Variants in TBC1D5 observed in about 807,000 individuals in gnomAD.
The protein encoded by TBC1D5 is TBC1 domain family, member 5.
TBC1D5 carries 75 observed loss-of-function variants against 100.3 expected under a neutral mutation model. The observed-to-expected ratio is 0.75, with a 90% CI of 0.62 to 0.91. The LOEUF is 0.91. Ranked by LOEUF, TBC1D5 falls within the 40% of genes least tolerant of loss-of-function variation. The probability of loss-of-function intolerance (pLI) is 0.00; values close to 1 mark genes in which losing one functional copy is unlikely to be tolerated. For synonymous variants in TBC1D5, 323 were observed against 325.6 expected, an observed-to-expected ratio of 0.99 and a Z score of 0.09; for missense variants, 910 against 942.4, an observed-to-expected ratio of 0.97 and a Z score of 0.45.
chr3:17,731,748 C>G (rs2076574297), intron 1 of TBC1D5, among the ~76,000 whole-genome samples: 2 of 151,864 alleles, frequency 1.3e-5, no homozygotes, highest in African/African-American at 4.8e-5. Context: ...AGTTTGATGC[C>G]TGTACATGAG....
rs115480076 is a variant in TBC1D5, at chr3:17,247,479, A to C, written c.1332-9060T>G. On this transcript the variant is annotated intron_variant, in intron 16 of 21. Transcript: ENST00000253692. ...ACTTTATTGCCAAAAGATGCTAATGATCATCTGAGCCTTTAGTGAGTCTTA... is the reference window on the plus strand; with the variant it reads ...ACTTTATTGCCAAAAGATGCTAATGCTCATCTGAGCCTTTAGTGAGTCTTA... 3.8e-3 allele frequency among the ~76,000 whole-genome samples: 580 copies of C among 152,332 alleles called. 5 individuals carry two copies. Among genetic ancestry groups the C allele is most frequent in the African/African-American group, 0.013 (550 of 41,568 alleles).
Position 17,233,682 on chromosome 3 carries a change from T to G in TBC1D5, c.1588+4481A>C, listed in dbSNP as rs967983263. 1.9e-5 allele frequency: 28 copies of G among 1,509,120 alleles called. No individual in the cohort carries two copies. The highest frequency in any genetic ancestry group is 2.5e-5 in the Non-Finnish European group (28 of 1,114,434). 93.5% of individuals were successfully genotyped at this position (1,509,120 alleles called of 1,614,324 possible). ...AAACACTATGTTGTTATGGTAACTG[T>G]ACCTTGGAGGTCAGTTAGAGTCTGG... On this transcript the variant is annotated intron_variant, in intron 17 of 21. Transcript: ENST00000253692.
intron 18 of TBC1D5, among the ~76,000 whole-genome samples, chr3:17,190,565 C>G (rs1038213236): frequency 2.0e-5 from 3 of 152,202 alleles, no homozygotes; most frequent in Non-Finnish European, 2.9e-5. Context: ...CCTTCCTCTT[C>G]TGTTCATCCC....
chr3:17,286,862 C>T (rs1417411866), intron 15 of TBC1D5, among the ~76,000 whole-genome samples: 1 of 152,168 alleles, frequency 6.6e-6, no homozygotes, highest in African/African-American at 2.4e-5. Flanking sequence ...TTGAATAAGT[C>T]TCTAAGCTTT....
intron 19 of TBC1D5, among the ~76,000 whole-genome samples, chr3:17,177,802 A>G (rs866662578): frequency 6.6e-6 from 1 of 152,166 alleles, no homozygotes; most frequent in African/African-American, 2.4e-5. Context: ...GTTACATCAG[A>G]TATTTTGATA....
chr3:17,536,898 CAA>C (rs1350633378), intron 2 of TBC1D5, among the ~76,000 whole-genome samples: 4 of 152,000 alleles, frequency 2.6e-5, no homozygotes, highest in African/African-American at 4.8e-5. Context: ...AGATTATGGC[CAA>C]AGTTTTGTTA....
chr3:17,601,988 C>T (rs1386070226), intron 2 of TBC1D5, among the ~76,000 whole-genome samples: 1 of 152,040 alleles, frequency 6.6e-6, no homozygotes, highest in Non-Finnish European at 1.5e-5. Flanking sequence ...TGCCACCACG[C>T]CTGGCTAATT....
intron 3 of TBC1D5, among the ~76,000 whole-genome samples, chr3:17,475,414 G>A (rs1335377403): frequency 1.3e-5 from 2 of 151,888 alleles, no homozygotes; most frequent in Admixed American, 1.3e-4. Context: ...CAACACTTTA[G>A]TAAATGATAT....
chr3:17,498,538 G>A (rs1576370417), intron 3 of TBC1D5, among the ~76,000 whole-genome samples: 1 of 152,046 alleles, frequency 6.6e-6, no homozygotes, highest in African/African-American at 2.4e-5. Flanking sequence ...AAAACTCAAA[G>A]ACAATTACTG....
chr3:17,384,098 A>C, intron 8 of TBC1D5, 83 bp from the exon 9 acceptor site: 1 of 1,225,942 alleles, frequency 8.2e-7, no homozygotes, highest in Non-Finnish European at 1.1e-6. Flanking sequence ...AGACGTGCCA[A>C]GGGCTGCTTC....
In TBC1D5 at chr3:17,212,982, C is replaced by T. The variant is rs116059277; in HGVS notation, c.1752+1225G>A. 6.5e-3 allele frequency among the ~76,000 whole-genome samples: 987 copies of T among 152,270 alleles called. 7 individuals carry two copies. Among genetic ancestry groups the T allele is most frequent in the Middle Eastern group, 0.017 (5 of 294 alleles). Reference sequence around the variant, plus strand: ...TGTTTATAAAGTCTACAGTAGTGCACAATAATCCTAGACCTTCACATTCAC... The same window carrying T: ...TGTTTATAAAGTCTACAGTAGTGCATAATAATCCTAGACCTTCACATTCAC... On this transcript the variant is annotated intron_variant, in intron 18 of 21. Transcript: ENST00000253692.
chr3:17,310,499 CAG>C (rs148187366), intron 13 of TBC1D5, among the ~76,000 whole-genome samples: 15 of 150,320 alleles, frequency 1.0e-4, no homozygotes, highest in Non-Finnish European at 1.3e-4. Flanking sequence ...AAGACAGAAA[CAG>C]AGAGAGAGAG....
rs538061326 is a variant in TBC1D5 at position 17,692,430 on chromosome 3, T to C, written c.-101+46913A>G. ...TCAGTGTAAAAGTGCAAGAGTTGAA[T>C]AGAGAAAGAATTAGTGAATTAATTC... is the stretch of plus-strand genomic sequence containing the variant. On this transcript the variant is annotated intron_variant, in intron 1 of 21. Transcript: ENST00000253692. Among the ~76,000 whole-genome samples the C allele has an allele frequency of 2.6e-5, 4 of 152,238 alleles. No individual in the cohort carries two copies. The East Asian group carries it at 5.8e-4, about 22-fold the overall frequency.
chr3:17,570,602 C>G (rs2096621073), intron 2 of TBC1D5, among the ~76,000 whole-genome samples: 1 of 152,016 alleles, frequency 6.6e-6, no homozygotes, highest in African/African-American at 2.4e-5. Context: ...CTATCTACAT[C>G]TACTAGACCA....
intron 3 of TBC1D5, among the ~76,000 whole-genome samples, chr3:17,449,527 G>T (rs954626436): frequency 6.6e-6 from 1 of 152,164 alleles, no homozygotes. Flanking sequence ...AAGTCGACCT[G>T]GGATACTCAA....
intron 18 of TBC1D5, among the ~76,000 whole-genome samples, chr3:17,210,159 A>T (rs1272160974): frequency 6.6e-6 from 1 of 152,034 alleles, no homozygotes; most frequent in Non-Finnish European, 1.5e-5. Flanking sequence ...ACAGATGTTG[A>T]ATCTAGGTTA....
In TBC1D5 at chr3:17,261,468, G is replaced by C. The variant is rs140680682; in HGVS notation, c.1246-2877C>G. On this transcript the variant is annotated intron_variant, in intron 15 of 21. Coordinates refer to ENST00000253692, the Ensembl canonical transcript of TBC1D5. ...TAGAAGAGATACTTGCTCCTTTTTT[G>C]GGGGGTGGGGTGGGGTGGGGGGGGA... is the stretch of plus-strand genomic sequence containing the variant. Among the ~76,000 whole-genome samples, 421 of 147,662 alleles carry C rather than the reference G, an allele frequency of 2.9e-3. 6 individuals carry two copies. The highest frequency in any genetic ancestry group is 0.016 in the South Asian group (74 of 4,630).
intron 1 of TBC1D5, among the ~76,000 whole-genome samples, chr3:17,645,072 G>A (rs951078187): frequency 2.0e-5 from 3 of 152,006 alleles, no homozygotes; most frequent in African/African-American, 7.2e-5. Context: ...AAGCTTACAA[G>A]GTACCTAATT....
intron 3 of TBC1D5, among the ~76,000 whole-genome samples, chr3:17,472,971 C>G (rs907090810): frequency 2.0e-5 from 3 of 152,142 alleles, no homozygotes; most frequent in African/African-American, 7.2e-5. Context: ...TTGAACCATG[C>G]AATCCTTGAA....
Sources: allele counts gnomAD v4.1 joint callset (sites outside exome capture counted in the v4.1 genomes callset), GRCh38; gene constraint gnomAD v4.1.1; transcripts MANE v1.5; gene names NCBI Gene and HGNC (gene_info 2026-07-23, HGNC 2026-07-21).